DLGAP2: variants seen among roughly 807,000 people sequenced by gnomAD.
The protein encoded by DLGAP2 is disks large-associated protein 2.
DLGAP2 carries 26 observed loss-of-function variants against 100.3 expected under a neutral mutation model. The observed-to-expected ratio is 0.26, with a 90% CI of 0.19 to 0.36. The LOEUF (loss-of-function observed/expected upper bound fraction) is 0.36, where lower values mean the gene tolerates loss of function less well. DLGAP2 is among the 10% of genes least tolerant of loss of function. DLGAP2 has a pLI of 1.00. For missense variants in DLGAP2, 1,858 were observed against 1,453.2 expected, an observed-to-expected ratio of 1.28 and a Z score of -4.53; for synonymous variants, 886 against 630.1, an observed-to-expected ratio of 1.41 and a Z score of -6.08.
chr8:1,155,818 A>C (rs7834689), intron 2 of DLGAP2, among the ~76,000 whole-genome samples: 32,624 of 152,086 alleles, frequency 0.21, 3,643 homozygotes, highest in East Asian at 0.36. Flanking sequence ...CGTGGAATGA[A>C]CACACGATCT....
intron 3 of DLGAP2, among the ~76,000 whole-genome samples, chr8:1,344,258 C>A (rs1027623417): frequency 6.6e-6 from 1 of 152,214 alleles, no homozygotes; most frequent in Non-Finnish European, 1.5e-5. Context: ...CGCCCAGTCT[C>A]CCCTCGAGCT....
chr8:1,449,586 C>G (rs1007964036), intron 3 of DLGAP2, among the ~76,000 whole-genome samples: 1 of 152,162 alleles, frequency 6.6e-6, no homozygotes, highest in African/African-American at 2.4e-5. Flanking sequence ...TTCCTGAGCT[C>G]CAGGGTGGGC....
intron 6 of DLGAP2, among the ~76,000 whole-genome samples, chr8:1,607,354 G>C (rs1796833380): frequency 6.6e-6 from 1 of 152,124 alleles, no homozygotes; most frequent in African/African-American, 2.4e-5. Flanking sequence ...ATATCCTGGA[G>C]GACAAATGAT....
intron 2 of DLGAP2, among the ~76,000 whole-genome samples, chr8:1,175,042 A>T (rs1797224008): frequency 6.6e-6 from 1 of 152,182 alleles, no homozygotes. Flanking sequence ...GTTTGGATGG[A>T]ACTCAAAACT....
intron 3 of DLGAP2, among the ~76,000 whole-genome samples, chr8:1,392,633 A>ACCCGTGGGGAGT (rs1278013839): frequency 6.6e-6 from 1 of 152,068 alleles, no homozygotes; most frequent in East Asian, 1.9e-4. Flanking sequence ...TGGTGTGGAA[A>ACCCGTGGGGAGT]CCCGTGGGGA....
intron 1 of DLGAP2, among the ~76,000 whole-genome samples, chr8:792,998 G>A (rs887341265): frequency 6.6e-6 from 1 of 152,186 alleles, no homozygotes; most frequent in African/African-American, 2.4e-5. Flanking sequence ...CTGAGATGAT[G>A]TGAGCTTTAG....
At chr8:1,492,013 GAC>G (rs967957295) in intron 3 of DLGAP2, among the ~76,000 whole-genome samples, 2 of 152,200 alleles carry the variant, frequency 1.3e-5, no homozygotes, top group Non-Finnish European at 2.9e-5. Context: ...CATCTGTTCT[GAC>G]AGAGGCACTG....
chr8:1,051,994 C>G (rs1006809720), intron 2 of DLGAP2, among the ~76,000 whole-genome samples: 1 of 152,202 alleles, frequency 6.6e-6, no homozygotes, highest in Non-Finnish European at 1.5e-5. Flanking sequence ...TGCCCACATT[C>G]TACCCACAAT....
At chr8:1,557,040 T>G (rs1801989196) in intron 5 of DLGAP2, among the ~76,000 whole-genome samples, 2 of 150,830 alleles carry the variant, frequency 1.3e-5, no homozygotes, top group African/African-American at 2.4e-5. Flanking sequence ...AGCACGGGGG[T>G]GGGGGCTGGG....
At chr8:1,526,875 G>A (rs1054971578) in intron 4 of DLGAP2, among the ~76,000 whole-genome samples, 1 of 152,234 alleles carries the variant, frequency 6.6e-6, no homozygotes, top group African/African-American at 2.4e-5. Flanking sequence ...CTGCAGCAGA[G>A]CCTGGAAAGG....
chr8:1,384,190 T>G (rs539885190), intron 3 of DLGAP2, among the ~76,000 whole-genome samples: 1 of 152,390 alleles, frequency 6.6e-6, no homozygotes, highest in Non-Finnish European at 1.5e-5. Context: ...TCATAAAAGT[T>G]AAGGGATGAA....
intron 3 of DLGAP2, among the ~76,000 whole-genome samples, chr8:1,274,963 C>T (rs1042799611): frequency 4.6e-5 from 7 of 152,120 alleles, no homozygotes; most frequent in Non-Finnish European, 1.0e-4. Flanking sequence ...GTGTTCACTG[C>T]CTGCTGCTGT....
intron 3 of DLGAP2, among the ~76,000 whole-genome samples, chr8:1,493,444 C>G (rs1258250929): frequency 6.6e-6 from 1 of 152,150 alleles, no homozygotes; most frequent in South Asian, 2.1e-4. Flanking sequence ...CTTTCAGACA[C>G]GCCTCTGCGA....
intron 2 of DLGAP2, among the ~76,000 whole-genome samples, chr8:1,106,165 A>T (rs112234578): frequency 3.4e-3 from 467 of 136,630 alleles, no homozygotes; most frequent in Admixed American, 5.7e-3. Flanking sequence ...TTTCTATTGA[A>T]GGAGGCCATT....
intron 1 of DLGAP2, among the ~76,000 whole-genome samples, chr8:825,589 T>C (rs78765581): frequency 0.025 from 3,834 of 152,310 alleles, 78 homozygotes; most frequent in Middle Eastern, 0.044. Context: ...ATTCCAGATG[T>C]TGCTAATTTG....
At chr8:1,683,856 A>ATATATATATATATATATGTGTG (rs1467438870) in intron 12 of DLGAP2, among the ~76,000 whole-genome samples, 5 of 62,240 alleles carry the variant, frequency 8.0e-5, no homozygotes, top group African/African-American at 4.2e-4. Flanking sequence ...ATATATATAT[A>ATATATATATATATATATGTGTG]TGTGTGTGTG....
chr8:1,386,154 T>G (rs932680488), intron 3 of DLGAP2, among the ~76,000 whole-genome samples: 1 of 152,240 alleles, frequency 6.6e-6, no homozygotes, highest in African/African-American at 2.4e-5. Flanking sequence ...ATGCTCACAG[T>G]GACTTTGCAA....
chr8:1,155,576 G>A (rs1348010052), intron 2 of DLGAP2, among the ~76,000 whole-genome samples: 2 of 149,412 alleles, frequency 1.3e-5, no homozygotes, highest in African/African-American at 2.6e-5. Flanking sequence ...GTGCAGGCTC[G>A]CAGGTTGCAG....
chr8:1,451,553 C>T lies in DLGAP2; in HGVS notation c.107-49813C>T, dbSNP rs186602019. Among the ~76,000 whole-genome samples, 8 of 152,246 alleles carry T rather than the reference C, an allele frequency of 5.3e-5. No individual in the cohort carries two copies. The East Asian group carries it at 9.7e-4, about 18-fold the overall frequency. ...CCTTAATCCTTCCCCACCTCAGCAT[C>T]GCCTCTGGCCTCATCAAATCCGAGG... On this transcript the variant is annotated intron_variant, in intron 3 of 14. Transcript: ENST00000637795.
Sources: gnomAD v4.1 joint callset for allele counts (sites outside exome capture counted in the v4.1 genomes callset) on GRCh38, gnomAD v4.1.1 for gene constraint, MANE v1.5 for transcripts, NCBI Gene and HGNC (gene_info 2026-07-23, HGNC 2026-07-21) for gene names.